The following PXK variants were observed in gnomAD, a reference collection of about 807,000 sequenced individuals.
The protein encoded by PXK is PX domain-containing protein kinase-like protein.
PXK carries 35 observed loss-of-function variants against 84.7 expected under a neutral mutation model. The observed-to-expected ratio is 0.41, with a 90% CI of 0.32 to 0.55. The LOEUF is 0.55. PXK is among the 20% of genes least tolerant of loss of function. The pLI is 0.21. For missense variants in PXK, 634 were observed against 699.7 expected, an observed-to-expected ratio of 0.91 and a Z score of 1.06; for synonymous variants, 253 against 260.8, an observed-to-expected ratio of 0.97 and a Z score of 0.29.
chr3:58,358,313 C>T (rs925174701), intron 1 of PXK, among the ~76,000 whole-genome samples: 6 of 152,218 alleles, frequency 3.9e-5, no homozygotes, highest in African/African-American at 7.2e-5. Context: ...CACTGCCACC[C>T]TGTGGTAACC....
Position 58,424,839 on chromosome 3 carries a change from T to C in PXK, c.1616T>C (p.Leu539Pro). The C allele has an allele frequency of 1.2e-6, 2 of 1,614,160 alleles. No individual in the cohort carries two copies. The highest frequency in any genetic ancestry group is 2.2e-5 in the South Asian group (2 of 91,076). The stretch of plus-strand genomic sequence containing the variant: ...GCGAGCACCGAGGCACCTGCCCAGC[T>C]CTCGTCTCAGGCTGTGAATGGCATG... ...PPASTEAPAQ[L>P]SSQAVNGMSR... is the part of the protein sequence containing the mutation. The change falls in exon 18 of 18, where the codon CTC (leucine) becomes CCC (proline). Residue 539 changes from leucine (L) to proline (P), a missense_variant. By Grantham distance (98) the Leu-to-Pro change is moderately conservative. Coordinates refer to ENST00000356151, the MANE Select transcript of PXK (RefSeq NM_017771.5).
At chr3:58,336,036 A>AATATATATATATATAT (rs2097583882) in intron 1 of PXK, among the ~76,000 whole-genome samples, 3 of 57,256 alleles carry the variant, frequency 5.2e-5, no homozygotes, top group African/African-American at 2.0e-4. Context: ...AACCTTGGGA[A>AATATATATATATATAT]ACATATATAT....
Position 58,408,005 on chromosome 3 carries a change from T to G in PXK, c.1231-919T>G, listed in dbSNP as rs966636342. Among the ~76,000 whole-genome samples the G allele has an allele frequency of 2.6e-5, 4 of 152,222 alleles. No homozygotes were observed. In the South Asian group the frequency reaches 8.3e-4, roughly 31 times the overall value. Reference sequence around the variant, plus strand: ...CTTTTAGGAGTTTTATAGTTTTAGGTCTTATGTTTAGGTTTTGAATCCATT... The same window carrying G: ...CTTTTAGGAGTTTTATAGTTTTAGGGCTTATGTTTAGGTTTTGAATCCATT... On this transcript the variant is annotated intron_variant, in intron 13 of 17. Transcript: ENST00000356151.
intron 3 of PXK, among the ~76,000 whole-genome samples, chr3:58,369,833 A>C (rs1016442411): frequency 1.3e-5 from 2 of 152,050 alleles, no homozygotes; most frequent in South Asian, 2.1e-4. Flanking sequence ...TCAAAAAAAA[A>C]AAAAAAAACA....
At chr3:58,395,530 ACT>A in intron 8 of PXK, 126 bp from the exon 9 acceptor site, 1 of 686,508 alleles carries the variant, frequency 1.5e-6, no homozygotes, top group South Asian at 1.9e-5. Context: ...TATTTTAAAA[ACT>A]CACATCTTGC....
At chr3:58,360,795 G>GCACT (rs2098170271) in intron 1 of PXK, among the ~76,000 whole-genome samples, 1 of 149,290 alleles carries the variant, frequency 6.7e-6, no homozygotes, top group South Asian at 2.1e-4. Flanking sequence ...TTGCACCATT[G>GCACT]CACTCCAACC....
In PXK at chr3:58,399,999, A is replaced by G. The variant is rs1262747934; in HGVS notation, c.1181+622A>G. Among the ~76,000 whole-genome samples the G allele has an allele frequency of 6.6e-6, 1 of 151,988 alleles. No homozygotes were observed. Among genetic ancestry groups the G allele is most frequent in the Non-Finnish European group, 1.5e-5 (1 of 68,000 alleles). On this transcript the variant is annotated intron_variant, in intron 12 of 17. Coordinates refer to ENST00000356151, the MANE Select transcript of PXK (RefSeq NM_017771.5). This position sits in a 1 kb window ranked among gnomAD's most constrained non-coding sequence, Gnocchi z 4.3. The stretch of plus-strand genomic sequence containing the variant: ...GCTGTGGGGCCTTCCCTTCAGGTGC[A>G]TTTTCTGTTCTTTCATGGAAAGGCA...
At position 58,364,568 on chromosome 3, in the gene PXK, C is replaced by T. The variant is rs189036316; in HGVS notation, c.103-1306C>T. Among the ~76,000 whole-genome samples the T allele has an allele frequency of 3.9e-5, 6 of 152,132 alleles. No individual in the cohort carries two copies. The highest frequency in any genetic ancestry group is 1.9e-4 in the East Asian group (1 of 5,168). On this transcript the variant is annotated intron_variant, in intron 1 of 17. Transcript: ENST00000356151. The surrounding 1 kb of genome is among the most constrained non-coding windows in gnomAD (Gnocchi z 4.3). ...CTCCGCTAAAAACACAAAAATTAGC[C>T]GGGAACAGTGGCAGGCACCTGTAAT...
At chr3:58,350,125 A>C (rs911084269) in intron 1 of PXK, among the ~76,000 whole-genome samples, 2 of 152,246 alleles carry the variant, frequency 1.3e-5, no homozygotes, top group African/African-American at 4.8e-5. Flanking sequence ...GCTGAGGATC[A>C]CATAAACCTG....
At position 58,382,554 on chromosome 3, in the gene PXK, T is replaced by C; in HGVS notation, c.242T>C (p.Ile81Thr). Residue 81 changes from isoleucine (I) to threonine (T), a missense_variant, in exon 4 of 18, where the codon ATT becomes ACT. Coordinates refer to ENST00000356151, the MANE Select transcript of PXK (RefSeq NM_017771.5). ...CTACCTCTTCCTCCCAAAAAATTGA[T>C]TGGTAACATGGATCGTGAATTCATA... ...LSLPLPPKKL[I>T]GNMDREFIAE... 6.3e-7 allele frequency: 1 copy of C among 1,591,924 alleles called. No individual in the cohort carries two copies. The highest frequency in any genetic ancestry group is 1.2e-5 in the South Asian group (1 of 86,096).
chr3:58,354,172 A>G (rs2098011026), intron 1 of PXK, among the ~76,000 whole-genome samples: 1 of 152,114 alleles, frequency 6.6e-6, no homozygotes, highest in Non-Finnish European at 1.5e-5. Context: ...AGCAGAGGGA[A>G]ATAGTTCTTT....
At position 58,399,492 on chromosome 3, in the gene PXK, G is replaced by A. The variant is rs78906445; in HGVS notation, c.1181+115G>A. 74 of 1,075,332 alleles carry A rather than the reference G, an allele frequency of 6.9e-5. No individual in the cohort carries two copies. In the East Asian group the frequency reaches 9.5e-4, roughly 14 times the overall value. 66.6% of individuals were successfully genotyped at this position (1,075,332 alleles called of 1,614,324 possible). ...TTCTTGCGGTCCCTGCAGAGTTGGC[G>A]TGGCCTGCTTGCTGATGGGCACTTG... On this transcript the variant is annotated intron_variant, in intron 12 of 17. Transcript: ENST00000356151. The surrounding 1 kb of genome is among the most constrained non-coding windows in gnomAD (Gnocchi z 4.3).
rs1451191910 is a variant in PXK, at chr3:58,425,072, CAG to C, written c.*113_*114del. 9.0e-6 allele frequency: 13 copies of C among 1,446,228 alleles called. No homozygotes were observed. Among genetic ancestry groups the C allele is most frequent in the African/African-American group, 1.4e-5 (1 of 70,298 alleles). The allele number at this position is 1,446,228 out of a possible 1,614,324, so 89.6% of individuals were successfully genotyped here. A position where few individuals can be genotyped will look rare whatever the true frequency, so the allele number is the denominator to read the frequency against. On this transcript the variant is annotated 3_prime_UTR_variant, in exon 18 of 18. Coordinates refer to ENST00000356151, the MANE Select transcript of PXK (RefSeq NM_017771.5). ...ATTGCTGAGCCAGTACAGCCACAAACAGTACTATTTTGCAGATGCTCATGTAA... is the reference window on the plus strand; with the variant it reads ...ATTGCTGAGCCAGTACAGCCACAAACTACTATTTTGCAGATGCTCATGTAA...
At position 58,343,287 on chromosome 3, in the gene PXK, A is replaced by G. The variant is rs372719362; in HGVS notation, c.102+10197A>G. Among the ~76,000 whole-genome samples the G allele has an allele frequency of 2.7e-4, 41 of 152,348 alleles. No individual in the cohort carries two copies. In the South Asian group the frequency reaches 3.7e-3, roughly 14 times the overall value. On this transcript the variant is annotated intron_variant, in intron 1 of 17. Transcript: ENST00000356151. ...CAGAAGTAGAGGGAAATGAAGCCAG[A>G]AAGAAATGGGTCTGCTCACACCAGA... is the stretch of plus-strand genomic sequence containing the variant.
rs977381459 is a variant in PXK at position 58,364,877 on chromosome 3, A to G, written c.103-997A>G. ...TCCATTTGATATCTGCACAGTCTGT[A>G]GTGGTATCCTAATTCATTCTTGATA... On this transcript the variant is annotated intron_variant, in intron 1 of 17. Transcript: ENST00000356151. This position sits in a 1 kb window ranked among gnomAD's most constrained non-coding sequence, Gnocchi z 4.3. 6.6e-6 allele frequency among the ~76,000 whole-genome samples: 1 copy of G among 152,158 alleles called. No homozygotes were observed. The highest frequency in any genetic ancestry group is 2.4e-5 in the African/African-American group (1 of 41,420).
rs894155557 is a variant in PXK at position 58,409,439 on chromosome 3, A to T, written c.1309-93A>T. The T allele has an allele frequency of 8.5e-7, 1 of 1,173,680 alleles. No individual in the cohort carries two copies. Among genetic ancestry groups the T allele is most frequent in the Non-Finnish European group, 1.2e-6 (1 of 803,162 alleles). The allele number at this position is 1,173,680 out of a possible 1,614,324, so 72.7% of individuals were successfully genotyped here. ...GCAAGGAAAGATTTTCTTTTATCCC[A>T]ATAAAATGTGGTTTGCCAAAACATG... On this transcript the variant is annotated intron_variant, in intron 14 of 17. Coordinates refer to ENST00000356151, the MANE Select transcript of PXK (RefSeq NM_017771.5). This position sits in a 1 kb window ranked among gnomAD's most constrained non-coding sequence, Gnocchi z 4.2.
rs1321379663 is a variant in PXK, at chr3:58,409,294, AT to A, written c.1309-236del. On this transcript the variant is annotated intron_variant, in intron 14 of 17. Coordinates refer to ENST00000356151, the MANE Select transcript of PXK (RefSeq NM_017771.5). The surrounding 1 kb of genome is among the most constrained non-coding windows in gnomAD (Gnocchi z 4.2). ...TGCATGGTCCATGCTGTCTCACCAC[AT>A]TCTTCTTCTGTAAAAGAGGGAAAGG... 6.6e-6 allele frequency among the ~76,000 whole-genome samples: 1 copy of A among 152,124 alleles called. No homozygotes were observed. Among genetic ancestry groups the A allele is most frequent in the Non-Finnish European group, 1.5e-5 (1 of 68,024 alleles).
intron 1 of PXK, among the ~76,000 whole-genome samples, chr3:58,356,001 G>A (rs573244850): frequency 1.3e-5 from 2 of 152,362 alleles, no homozygotes; most frequent in South Asian, 4.1e-4. Flanking sequence ...TAGGGTGGCT[G>A]TGAGGATTAA....
At chr3:58,384,859 T>C (rs2098538222) in intron 4 of PXK, among the ~76,000 whole-genome samples, 1 of 152,208 alleles carries the variant, frequency 6.6e-6, no homozygotes, top group South Asian at 2.1e-4. Flanking sequence ...CAGAAGTACA[T>C]TGAGTCCCAT....
Sources: gnomAD v4.1 joint callset for allele counts (sites outside exome capture counted in the v4.1 genomes callset) on GRCh38, gnomAD v4.1.1 for gene constraint, Gnocchi (gnomAD v3.1) non-coding constraint, MANE v1.5 for transcripts, NCBI Gene and HGNC (gene_info 2026-07-23, HGNC 2026-07-21) for gene names.